Variants in SYTL2 observed in about 807,000 individuals in gnomAD.
SYTL2 encodes the protein synaptotagmin like 2, also known as synaptotagmin-like protein 2.
A neutral mutation model predicts 198.7 loss-of-function variants in SYTL2; 165 were observed. The observed-to-expected ratio is 0.83, with a 90% confidence interval of 0.73 to 0.94. The LOEUF is 0.94. Ranked by LOEUF, SYTL2 falls within the 40% of genes least tolerant of loss-of-function variation. The pLI, the probability that SYTL2 is intolerant of heterozygous loss-of-function variation, is 0.00. For missense variants in SYTL2, 2,835 were observed against 2,582.8 expected, an observed-to-expected ratio of 1.10 and a Z score of -2.12; for synonymous variants, 966 against 917.7, an observed-to-expected ratio of 1.05 and a Z score of -0.95.
At position 85,757,750 on chromosome 11, in the gene SYTL2, T is replaced by C. The variant is rs578111232; in HGVS notation, c.-25A>G. The C allele has an allele frequency of 3.1e-6, 5 of 1,607,872 alleles. No homozygotes were observed. Among genetic ancestry groups the C allele is most frequent in the Admixed American group, 1.7e-5 (1 of 60,008 alleles). On this transcript the variant is annotated 5_prime_UTR_variant, in exon 2 of 20. Coordinates refer to ENST00000359152, the MANE Select transcript of SYTL2 (RefSeq NM_206927.4). ...TTTTGAAAAGTGCATGCAAAAATAATAGCAACAAATGTGGCTCAAAATTCT... is the reference window on the plus strand; with the variant it reads ...TTTTGAAAAGTGCATGCAAAAATAACAGCAACAAATGTGGCTCAAAATTCT...
At chr11:85,714,665 G>C in intron 11 of SYTL2, 158 bp from the exon 12 acceptor site, 1 of 1,360,702 alleles carries the variant, frequency 7.3e-7, no homozygotes, top group Non-Finnish European at 9.5e-7. Flanking sequence ...CATGAGATTA[G>C]CAACATGCAG....
intron 14 of SYTL2, 132 bp downstream of exon 14, chr11:85,709,199 T>C (rs2085799473): frequency 2.4e-6 from 2 of 836,792 alleles, no homozygotes. Context: ...AAACAGCATT[T>C]CCCCCCAACT....
At chr11:85,783,142 G>A (rs890078095) in intron 1 of SYTL2, among the ~76,000 whole-genome samples, 16 of 152,198 alleles carry the variant, frequency 1.1e-4, no homozygotes, top group Admixed American at 4.6e-4. Context: ...AAGGAAAAAG[G>A]TTTAATGGAC....
At chr11:85,825,036 T>C in the SYTL2 span, among the ~76,000 whole-genome samples, 1 of 152,202 alleles carries the variant, frequency 6.6e-6, no homozygotes, top group African/African-American at 2.4e-5. Context: ...GGAGAATGAA[T>C]GCTGCATAAA....
At chr11:85,813,849 G>T (rs773070875), upstream of SYTL2, among the ~76,000 whole-genome samples, 5 of 152,024 alleles carry the variant, frequency 3.3e-5, no homozygotes, top group Non-Finnish European at 5.9e-5. Flanking sequence ...CAGCCTTCCA[G>T]GTAGCTGGGA....
intron 16 of SYTL2, among the ~76,000 whole-genome samples, chr11:85,702,528 AT>A (rs1434310315): frequency 1.2e-4 from 18 of 152,306 alleles, no homozygotes; most frequent in African/African-American, 4.3e-4. Context: ...AATCAGATGC[AT>A]GCTGATTTTG....
rs1591505130 is a variant in SYTL2, at chr11:85,694,612, T to C, written c.*583A>G. The C allele has an allele frequency of 6.6e-6, 1 of 152,364 alleles. No individual in the cohort carries two copies. The highest frequency in any genetic ancestry group is 2.1e-4 in the South Asian group (1 of 4,832). 9.4% of individuals were successfully genotyped at this position (152,364 alleles called of 1,614,324 possible). Reference sequence around the variant, plus strand: ...ATTTGAGGCTTGTTTTAACTGTTTGTTTTCTCAAGGCAGAAAAACACCAGT... The same window carrying C: ...ATTTGAGGCTTGTTTTAACTGTTTGCTTTCTCAAGGCAGAAAAACACCAGT... On this transcript the variant is annotated 3_prime_UTR_variant, in exon 20 of 20. Transcript: ENST00000359152.
At chr11:85,818,330 T>C in the SYTL2 span, among the ~76,000 whole-genome samples, 1 of 152,230 alleles carries the variant, frequency 6.6e-6, no homozygotes, top group Non-Finnish European at 1.5e-5. Context: ...TATTTCATAT[T>C]ATAAATACTT....
chr11:85,813,038 A>G (rs112967751), upstream of SYTL2, among the ~76,000 whole-genome samples: 137 of 152,182 alleles, frequency 9.0e-4, no homozygotes, highest in African/African-American at 3.2e-3. Flanking sequence ...AACTAAATAC[A>G]TGCTGTTCCC....
chr11:85,728,143 C>G (rs1369200287), intron 7 of SYTL2, 176 bp from the exon 8 acceptor site: 4 of 577,566 alleles, frequency 6.9e-6, no homozygotes, highest in African/African-American at 1.9e-5. Context: ...AGGTATTCTA[C>G]CAAAGGTGCC....
At chr11:85,772,504 C>A (rs2092376054) in intron 1 of SYTL2, among the ~76,000 whole-genome samples, 1 of 152,240 alleles carries the variant, frequency 6.6e-6, no homozygotes. Flanking sequence ...ACCAACTCTG[C>A]CCAGGCATTA....
intron 8 of SYTL2, among the ~76,000 whole-genome samples, chr11:85,721,319 C>G (rs1330550083): frequency 1.3e-5 from 2 of 152,126 alleles, no homozygotes; most frequent in Non-Finnish European, 2.9e-5. Flanking sequence ...TGAAATACTT[C>G]TAGGAGCATT....
chr11:85,726,073 C>T lies in SYTL2; in HGVS notation c.3285G>A (p.Thr1095=), dbSNP rs141630348. The T allele has an allele frequency of 1.3e-5, 21 of 1,613,206 alleles. No homozygotes were observed. The highest frequency in any genetic ancestry group is 5.3e-5 in the African/African-American group (4 of 74,900). Residue 1095 remains threonine (T), a synonymous_variant, in exon 8 of 20, where the codon ACG becomes ACA. Transcript: ENST00000359152. ...TAAACACTGGAGTAACAATCCCTTC[C>T]GTATTCTTTTCCACATTTTCCTTTG... ...ESSKENVEKN[T]EGIVTPVFKE...
chr11:85,735,166 T>C (rs1278616796), intron 6 of SYTL2, among the ~76,000 whole-genome samples: 1 of 152,192 alleles, frequency 6.6e-6, no homozygotes, highest in Non-Finnish European at 1.5e-5. Flanking sequence ...ATGGAAAACG[T>C]CTGTATCTTT....
intron 9 of SYTL2, chr11:85,719,294 A>C: frequency 8.6e-7 from 1 of 1,163,442 alleles, no homozygotes; most frequent in South Asian, 1.8e-5. Flanking sequence ...AACTGAAGAG[A>C]TGTAACTGGG....
At chr11:85,836,453 T>C in the SYTL2 span, among the ~76,000 whole-genome samples, 2 of 152,056 alleles carry the variant, frequency 1.3e-5, no homozygotes, top group Non-Finnish European at 2.9e-5. Context: ...CATACATGTA[T>C]ATACGTATGG....
chr11:85,717,612 G>A, intron 10 of SYTL2, 82 bp from the exon 11 acceptor site: 1 of 1,157,470 alleles, frequency 8.6e-7, no homozygotes. Context: ...TCAAATGTCA[G>A]TTTCACAACT....
In SYTL2 at chr11:85,725,315, G is replaced by A. The variant is rs1475311373; in HGVS notation, c.4043C>T (p.Ser1348Phe). The change falls in exon 8 of 20, where the codon TCT (serine) becomes TTT (phenylalanine). Residue 1348 changes from serine to phenylalanine, a missense_variant. Transcript: ENST00000359152. ...TACAGTCTCCGAAATTTCCGTTTGA[G>A]AAGGGTGTACCCTAGCCTGGGGAAC... ...HLVPQARVHP[S>F]QTEISETVEK... 1.9e-6 allele frequency: 3 copies of A among 1,613,960 alleles called. No individual in the cohort carries two copies. Among genetic ancestry groups the A allele is most frequent in the East Asian group, 2.2e-5 (1 of 44,902 alleles).
upstream of SYTL2, among the ~76,000 whole-genome samples, chr11:85,812,922 C>G (rs911161442): frequency 6.6e-6 from 1 of 152,174 alleles, no homozygotes; most frequent in African/African-American, 2.4e-5. Context: ...GTTGATTGCA[C>G]CTGCCTTGGT....
Sources: allele counts gnomAD v4.1 joint callset (sites outside exome capture counted in the v4.1 genomes callset), GRCh38; gene constraint gnomAD v4.1.1; transcripts MANE v1.5; gene names NCBI Gene and HGNC (gene_info 2026-07-23, HGNC 2026-07-21).